ERI1: variants seen among roughly 807,000 people sequenced by gnomAD.
ERI1 encodes exoribonuclease 1.
In ERI1, 39 loss-of-function variants were observed where a neutral mutation model predicts 39.7. The ratio of observed to expected loss-of-function variants is 0.98; its 90% CI spans 0.76 to 1.28. The LOEUF is 1.28. ERI1 is among the 50% of genes most tolerant of loss of function. ERI1 has a pLI of 0.00. For missense variants in ERI1, 581 were observed against 416.9 expected, an observed-to-expected ratio of 1.39 and a Z score of -3.43; for synonymous variants, 204 against 149.6, an observed-to-expected ratio of 1.36 and a Z score of -2.65.
chr8:9,081,165 T>G (rs1799353647), intron 3 of ERI1, among the ~76,000 whole-genome samples: 1 of 152,172 alleles, frequency 6.6e-6, no homozygotes, highest in African/African-American at 2.4e-5. Flanking sequence ...CTTACTATCA[T>G]GAGAACAGCC....
At chr8:9,059,021 G>A (rs879708369) in intron 3 of ERI1, among the ~76,000 whole-genome samples, 1 of 152,122 alleles carries the variant, frequency 6.6e-6, no homozygotes, top group Admixed American at 6.6e-5. Context: ...GTCAGCGAAG[G>A]GAGATAGGGG....
At chr8:9,016,447 C>T in intron 4 of ERI1, 42 bp downstream of exon 4, 3 of 1,270,230 alleles carry the variant, frequency 2.4e-6, no homozygotes, top group Non-Finnish European at 2.2e-6. Context: ...TGAAAGAGTT[C>T]TTGAAATTAG....
intron 6 of ERI1, among the ~76,000 whole-genome samples, chr8:9,022,992 C>T (rs1818076319): frequency 6.6e-6 from 1 of 152,134 alleles, no homozygotes; most frequent in African/African-American, 2.4e-5. Flanking sequence ...ACCATTGTGA[C>T]ATCTTAAAAA....
intron 2 of ERI1, among the ~76,000 whole-genome samples, chr8:9,011,239 G>T (rs779251487): frequency 6.6e-6 from 1 of 152,094 alleles, no homozygotes; most frequent in Non-Finnish European, 1.5e-5. Flanking sequence ...GACTGTGTTG[G>T]TAGTATATGC....
intron 3 of ERI1, among the ~76,000 whole-genome samples, chr8:9,059,460 C>A (rs981248584): frequency 1.3e-5 from 2 of 151,788 alleles, no homozygotes; most frequent in African/African-American, 4.8e-5. Context: ...GCGTGGGAAT[C>A]TAGAATGGGA....
At chr8:9,019,979 T>G (rs1419606739) in intron 5 of ERI1, among the ~76,000 whole-genome samples, 5 of 152,188 alleles carry the variant, frequency 3.3e-5, no homozygotes, top group Admixed American at 2.6e-4. Flanking sequence ...TGCTTTTGTT[T>G]CTTTCATTTT....
chr8:9,085,573 CCT>C (rs1486095120), intron 3 of ERI1, among the ~76,000 whole-genome samples: 4 of 151,470 alleles, frequency 2.6e-5, no homozygotes, highest in Admixed American at 6.6e-5. Context: ...TTATGTATTG[CCT>C]CTCTCTGCTT....
intron 3 of ERI1, among the ~76,000 whole-genome samples, chr8:9,087,919 C>G (rs1373251125): frequency 1.3e-5 from 2 of 152,190 alleles, no homozygotes; most frequent in African/African-American, 4.8e-5. Flanking sequence ...TCCCAGGATA[C>G]AAGACTTTCA....
chr8:9,010,510 G>A (rs931246573), intron 2 of ERI1, among the ~76,000 whole-genome samples: 2 of 152,030 alleles, frequency 1.3e-5, no homozygotes, highest in Non-Finnish European at 2.9e-5. Flanking sequence ...CTATTTTCAT[G>A]GGTAGGATTT....
downstream of ERI1, among the ~76,000 whole-genome samples, chr8:9,037,310 C>T (rs1025481477): frequency 6.6e-6 from 1 of 152,164 alleles, no homozygotes; most frequent in Admixed American, 6.5e-5. Context: ...TACTTCTGTC[C>T]CCAGGAAGTT....
Position 9,032,268 on chromosome 8 carries a change from T to C in ERI1, c.*2234T>C, listed in dbSNP as rs1797638525. On this transcript the variant is annotated 3_prime_UTR_variant, in exon 7 of 7. Transcript: ENST00000250263. Reference sequence around the variant, plus strand: ...AAAACAATATTAGTATATTCTATTATTGTTTCTTATTAATAGTTACTTAGT... The same window carrying C: ...AAAACAATATTAGTATATTCTATTACTGTTTCTTATTAATAGTTACTTAGT... The C allele has an allele frequency of 6.6e-6, 1 of 152,154 alleles. No homozygotes were observed. Among genetic ancestry groups the C allele is most frequent in the East Asian group, 1.9e-4 (1 of 5,202 alleles). 9.4% of individuals were successfully genotyped at this position (152,154 alleles called of 1,614,324 possible).
intron 3 of ERI1, among the ~76,000 whole-genome samples, chr8:9,042,832 C>G (rs973839347): frequency 6.6e-6 from 1 of 152,168 alleles, no homozygotes; most frequent in Non-Finnish European, 1.5e-5. Context: ...TGAGAAGATT[C>G]AAAATCTGAA....
At chr8:9,007,840 C>T (rs892934436) in intron 1 of ERI1, 130 bp from the exon 2 acceptor site, 18 of 1,357,298 alleles carry the variant, frequency 1.3e-5, no homozygotes, top group Non-Finnish European at 1.7e-5. Flanking sequence ...CTGCAGTGAA[C>T]ACTTTTCATT....
downstream of ERI1, among the ~76,000 whole-genome samples, chr8:9,037,405 G>A (rs572280000): frequency 6.6e-6 from 1 of 151,984 alleles, no homozygotes; most frequent in African/African-American, 2.4e-5. Context: ...CCGGACCTTT[G>A]GCAACAACTC....
intron 3 of ERI1, chr8:9,099,863 C>G (rs1176031321): frequency 6.6e-6 from 1 of 151,780 alleles, no homozygotes; most frequent in Non-Finnish European, 1.5e-5. Context: ...GGGCAGACAA[C>G]TGTGAGTGGA....
chr8:9,091,961 G>A (rs1799719555), intron 3 of ERI1, among the ~76,000 whole-genome samples: 1 of 152,118 alleles, frequency 6.6e-6, no homozygotes, highest in Non-Finnish European at 1.5e-5. Context: ...ATGTGTTTTT[G>A]TTGTTGTTGT....
intron 3 of ERI1, among the ~76,000 whole-genome samples, chr8:9,054,319 A>T (rs756866679): frequency 6.6e-6 from 1 of 152,174 alleles, no homozygotes; most frequent in African/African-American, 2.4e-5. Context: ...ATTCGGCTGC[A>T]CTTTTTTGTA....
At chr8:9,025,240 C>T (rs1288077897) in intron 6 of ERI1, among the ~76,000 whole-genome samples, 2 of 152,188 alleles carry the variant, frequency 1.3e-5, no homozygotes, top group Admixed American at 1.3e-4. Context: ...AGACTTGAGA[C>T]TTTCCAATAG....
At chr8:9,059,197 C>T (rs1324201131) in intron 3 of ERI1, among the ~76,000 whole-genome samples, 2 of 152,032 alleles carry the variant, frequency 1.3e-5, no homozygotes, top group Non-Finnish European at 2.9e-5. Context: ...AGGAACAGGC[C>T]ATTTTCACTT....
Sources: gnomAD v4.1 joint callset for allele counts (sites outside exome capture counted in the v4.1 genomes callset) on GRCh38, gnomAD v4.1.1 for gene constraint, MANE v1.5 for transcripts, NCBI Gene and HGNC (gene_info 2026-07-23, HGNC 2026-07-21) for gene names.